RASA3: variants seen among roughly 807,000 people sequenced by gnomAD.
RASA3 encodes ras GTPase-activating protein 3.
RASA3 carries 73 observed loss-of-function variants against 110.0 expected under a neutral mutation model. The ratio of observed to expected loss-of-function variants is 0.66; its 90% confidence interval spans 0.55 to 0.81. The LOEUF (loss-of-function observed/expected upper bound fraction) is 0.81. Ranked by LOEUF, RASA3 falls within the 30% of genes least tolerant of loss-of-function variation. The pLI is 0.00. For synonymous variants in RASA3, 500 were observed against 451.4 expected, an observed-to-expected ratio of 1.11 and a Z score of -1.37; for missense variants, 976 against 1,113.2, an observed-to-expected ratio of 0.88 and a Z score of 1.75.
intron 1 of RASA3, among the ~76,000 whole-genome samples, chr13:114,101,040 G>C (rs1284642919): frequency 1.3e-5 from 2 of 152,186 alleles, no homozygotes; most frequent in Non-Finnish European, 2.9e-5. Context: ...GACACACCTG[G>C]GGGCCTGAGG....
chr13:114,039,671 G>A (rs985009610), intron 4 of RASA3, among the ~76,000 whole-genome samples: 14 of 143,804 alleles, frequency 9.7e-5, no homozygotes, highest in African/African-American at 3.9e-4. Context: ...CTTGGGCTCC[G>A]GTGGACTGAC....
intron 4 of RASA3, among the ~76,000 whole-genome samples, chr13:114,036,451 AC>A (rs538248250): frequency 4.0e-4 from 61 of 152,094 alleles, no homozygotes; most frequent in Non-Finnish European, 8.1e-4. Context: ...CCACATGGCT[AC>A]CCCCTGCCTT....
chr13:114,090,015 C>T (rs1176354452), intron 1 of RASA3, among the ~76,000 whole-genome samples: 3 of 152,168 alleles, frequency 2.0e-5, no homozygotes, highest in Non-Finnish European at 4.4e-5. Flanking sequence ...TTTCATGTCA[C>T]GGATGGAACG....
At chr13:114,045,798 C>G (rs1362331250) in intron 3 of RASA3, among the ~76,000 whole-genome samples, 5 of 152,208 alleles carry the variant, frequency 3.3e-5, no homozygotes, top group Admixed American at 2.6e-4. Context: ...TAGGTTTGTG[C>G]TTTTGGTGGA....
intron 22 of RASA3, among the ~76,000 whole-genome samples, chr13:113,990,977 G>GA (rs1431774614): frequency 3.4e-5 from 4 of 117,714 alleles, no homozygotes; most frequent in Non-Finnish European, 7.2e-5. Context: ...TCACAGATGG[G>GA]CAGCTGCACG....
chr13:114,091,636 G>A (rs1278898553), intron 1 of RASA3, among the ~76,000 whole-genome samples: 1 of 151,524 alleles, frequency 6.6e-6, no homozygotes, highest in Non-Finnish European at 1.5e-5. Context: ...GGACTTTTGT[G>A]TCTGTGTTCA....
In RASA3 at chr13:113,980,142, GCCACGTGTGTGCACACCTCCTC is replaced by G. The variant is rs1455580745; in HGVS notation, c.2430-742_2430-721del. ...TGCACCTCCTCTGTGTGTACCTCCT[GCCACGTGTGTGCACACCTCCTC>G]CCACGTGTGTGCACCTCCTCCCACG... On this transcript the variant is annotated intron_variant, in intron 23 of 23. Coordinates refer to ENST00000334062, the MANE Select transcript of RASA3 (RefSeq NM_007368.4). Among the ~76,000 whole-genome samples, 10 of 115,854 alleles carry G rather than the reference GCCACGTGTGTGCACACCTCCTC, an allele frequency of 8.6e-5. No individual in the cohort carries two copies. In the South Asian group the frequency reaches 1.1e-3, roughly 13 times the overall value. 76.0% of individuals were successfully genotyped at this position (115,854 alleles called of 152,430 possible). A position where few individuals can be genotyped will look rare whatever the true frequency, so the allele number is the denominator to read the frequency against.
At chr13:114,106,403 A>G (rs1202776931) in intron 1 of RASA3, among the ~76,000 whole-genome samples, 3 of 152,246 alleles carry the variant, frequency 2.0e-5, no homozygotes, top group Non-Finnish European at 1.5e-5. Context: ...ATTTAACAGC[A>G]TTTGAGATTA....
At chr13:113,981,607 C>T in intron 23 of RASA3, 68 bp downstream of exon 23, 1 of 1,546,314 alleles carries the variant, frequency 6.5e-7, no homozygotes, top group Admixed American at 1.7e-5. Context: ...TCCCTGCAGC[C>T]CCACCCCCAC....
intron 3 of RASA3, among the ~76,000 whole-genome samples, chr13:114,049,803 G>A (rs2079113271): frequency 6.6e-6 from 1 of 152,264 alleles, no homozygotes; most frequent in South Asian, 2.1e-4. Context: ...CGAGACACAG[G>A]CCTGCCCTGC....
chr13:114,012,284 C>T (rs917331122), intron 15 of RASA3, among the ~76,000 whole-genome samples: 8 of 151,858 alleles, frequency 5.3e-5, no homozygotes, highest in South Asian at 2.1e-4. Context: ...GCAACGAGGA[C>T]GTTCCAGGAC....
intron 1 of RASA3, chr13:114,077,680 G>A (rs2079712946): frequency 7.5e-6 from 1 of 133,580 alleles, no homozygotes; most frequent in African/African-American, 3.7e-5. Flanking sequence ...GCCCAACGAT[G>A]CCCAGTTCCC....
At chr13:114,000,782 A>C (rs1323117748) in intron 19 of RASA3, 44 bp downstream of exon 19, 1 of 1,396,666 alleles carries the variant, frequency 7.2e-7, no homozygotes, top group Admixed American at 1.7e-5. Context: ...CCCAGGGCCC[A>C]GCACGCTCCA....
Position 114,018,177 on chromosome 13 carries a change from G to T in RASA3, c.1018C>A (p.Arg340=), listed in dbSNP as rs779382088. ...ACCCTGCCATAGTGTAGGAAGAGCC[G>T]CACCAGCGGGACGGCCGCCTCCTGC... ...EKQEAAVPLV[R]LFLHYGRVVP... The change falls in exon 11 of 24, where the codon CGG becomes AGG. Residue 340 remains arginine, a synonymous_variant. Transcript: ENST00000334062. 7.1e-6 allele frequency: 11 copies of T among 1,551,648 alleles called. No homozygotes were observed. Among genetic ancestry groups the T allele is most frequent in the Non-Finnish European group, 9.6e-6 (11 of 1,147,650 alleles).
chr13:114,091,117 A>G (rs945574263), intron 1 of RASA3, among the ~76,000 whole-genome samples: 3 of 152,146 alleles, frequency 2.0e-5, no homozygotes, highest in African/African-American at 4.8e-5. Context: ...TTGAGCTAGC[A>G]TTTCAACTTT....
intron 7 of RASA3, among the ~76,000 whole-genome samples, chr13:114,027,187 G>A (rs1179237320): frequency 1.3e-5 from 2 of 151,874 alleles, no homozygotes; most frequent in Non-Finnish European, 2.9e-5. Context: ...GGCTGGGCTC[G>A]CTCCTCTCCG....
At chr13:114,099,298 G>A (rs1250093680) in intron 1 of RASA3, among the ~76,000 whole-genome samples, 2 of 152,096 alleles carry the variant, frequency 1.3e-5, no homozygotes, top group East Asian at 3.9e-4. Flanking sequence ...TGAGGCCTGA[G>A]CCGGGGACGA....
At position 113,978,695 on chromosome 13, in the gene RASA3, C is replaced by G. The variant is rs2052834752; in HGVS notation, c.*652G>C. 1 of 152,636 alleles carries G rather than the reference C, an allele frequency of 6.6e-6. No homozygotes were observed. The highest frequency in any genetic ancestry group is 2.4e-5 in the African/African-American group (1 of 41,452). 9.5% of individuals were successfully genotyped at this position (152,636 alleles called of 1,614,324 possible). A position where few individuals can be genotyped will look rare whatever the true frequency, so the allele number is the denominator to read the frequency against. On this transcript the variant is annotated 3_prime_UTR_variant, in exon 24 of 24. Coordinates refer to ENST00000334062, the MANE Select transcript of RASA3 (RefSeq NM_007368.4). ...GGACAGAACCCGTATCCCCCAAGCA[C>G]CAAGGACATCCTCAGACTGGGACTT... is the stretch of plus-strand genomic sequence containing the variant.
In RASA3 at chr13:114,056,506, C is replaced by T. The variant is rs1003054245; in HGVS notation, c.174-4351G>A. On this transcript the variant is annotated intron_variant, in intron 2 of 23. Coordinates refer to ENST00000334062, the MANE Select transcript of RASA3 (RefSeq NM_007368.4). The surrounding 1 kb of genome is among the most constrained non-coding windows in gnomAD (Gnocchi z 5.7). Reference sequence around the variant, plus strand: ...GAGTGCGGCGTCCCTGGGCGCTGCCCGGTAGCGGGGTGTTCAGTTGCTCTG... The same window carrying T: ...GAGTGCGGCGTCCCTGGGCGCTGCCTGGTAGCGGGGTGTTCAGTTGCTCTG... The T allele has an allele frequency of 1.2e-5, 12 of 985,048 alleles. No homozygotes were observed. The highest frequency in any genetic ancestry group is 1.2e-5 in the Non-Finnish European group (10 of 829,908). 61.0% of individuals were successfully genotyped at this position (985,048 alleles called of 1,614,324 possible). A position where few individuals can be genotyped will look rare whatever the true frequency, so the allele number is the denominator to read the frequency against.
Sources: gnomAD v4.1 joint callset for allele counts (sites outside exome capture counted in the v4.1 genomes callset) on GRCh38, gnomAD v4.1.1 for gene constraint, Gnocchi (gnomAD v3.1) non-coding constraint, MANE v1.5 for transcripts, NCBI Gene and HGNC (gene_info 2026-07-23, HGNC 2026-07-21) for gene names.